The following PTPN22 variants were observed in gnomAD, a reference collection of about 807,000 sequenced individuals.
PTPN22 encodes the protein protein tyrosine phosphatase non-receptor type 22.
PTPN22 carries 85 observed loss-of-function variants against 103.3 expected under a neutral mutation model. The ratio of observed to expected loss-of-function variants is 0.82; its 90% CI spans 0.69 to 0.99. The LOEUF is 0.99. Among genes scored for constraint, PTPN22 ranks in the 50% least tolerant of loss-of-function variants. PTPN22 has a pLI of 0.00. For synonymous variants in PTPN22, 323 were observed against 310.2 expected (o/e 1.04, Z -0.43); for missense variants, 865 against 936.9 (o/e 0.92, Z 1.00).
chr1:113,862,507 T>C (rs898820802), intron 1 of PTPN22, among the ~76,000 whole-genome samples: 2 of 152,156 alleles, frequency 1.3e-5, no homozygotes, highest in Non-Finnish European at 2.9e-5. Context: ...TATTAGATTC[T>C]AGAAATTCGG....
At chr1:113,848,028 C>T (rs1485230259) in intron 11 of PTPN22, among the ~76,000 whole-genome samples, 1 of 152,082 alleles carries the variant, frequency 6.6e-6, no homozygotes, top group Non-Finnish European at 1.5e-5. Flanking sequence ...AACCACCTTG[C>T]CCAGCCAAGA....
At chr1:113,855,749 A>G (rs1277221368) in intron 7 of PTPN22, among the ~76,000 whole-genome samples, 1 of 152,194 alleles carries the variant, frequency 6.6e-6, no homozygotes, top group African/African-American at 2.4e-5. Context: ...CATCTGCCCC[A>G]TTCACAAGAG....
At position 113,825,151 on chromosome 1, in the gene PTPN22, T is replaced by C. The variant is rs369890270; in HGVS notation, c.2272A>G (p.Met758Val). 6.6e-6 allele frequency: 10 copies of C among 1,512,222 alleles called. No homozygotes were observed. The highest frequency in any genetic ancestry group is 8.1e-6 in the Non-Finnish European group (9 of 1,106,120). The allele number at this position is 1,512,222 out of a possible 1,614,324, so 93.7% of individuals were successfully genotyped here. ...ATAAGTACCAACTTACTCTTTTTCA[T>C]GTTTCGCAAAATTTTCAAACTCTAC... The change falls in exon 19 of 21, where the codon ATG (methionine) becomes GTG (valine). Residue 758 changes from methionine to valine, a missense_variant. This residue lies in a region of PTPN22 where 401 missense variants were observed against 388.6 expected (regional missense o/e 1.03). Coordinates refer to ENST00000359785, the Ensembl canonical transcript of PTPN22.
chr1:113,858,539 TG>T lies in PTPN22; in HGVS notation c.307del (p.Gln103ArgfsTer14). On this transcript the variant is annotated frameshift_variant, in exon 4 of 21. Transcript: ENST00000359785. LOFTEE classifies it high-confidence loss of function. ...CAGGAGGGTTGTAGATAAAGGACCCTGGGTGGCAATATAAGCCTTGGGTCCA... is the reference window on the plus strand; with the variant it reads ...CAGGAGGGTTGTAGATAAAGGACCCTGGTGGCAATATAAGCCTTGGGTCCA... The T allele has an allele frequency of 6.2e-7, 1 of 1,604,018 alleles. No individual in the cohort carries two copies. Among genetic ancestry groups the T allele is most frequent in the Non-Finnish European group, 8.5e-7 (1 of 1,173,812 alleles).
chr1:113,843,385 A>G (rs1257116801), intron 11 of PTPN22, among the ~76,000 whole-genome samples: 2 of 152,146 alleles, frequency 1.3e-5, no homozygotes, highest in East Asian at 1.9e-4. Context: ...ACGTTACAAC[A>G]TGGATGAACC....
chr1:113,826,901 C>T (rs1746857), intron 18 of PTPN22, among the ~76,000 whole-genome samples: 45,821 of 151,220 alleles, frequency 0.3, 8,121 homozygotes, highest in African/African-American at 0.48. Context: ...GATCTCCTGA[C>T]CTCGTGATCC....
At chr1:113,824,715 T>C (rs1661896043) in intron 19 of PTPN22, among the ~76,000 whole-genome samples, 1 of 151,996 alleles carries the variant, frequency 6.6e-6, no homozygotes, top group East Asian at 1.9e-4. Flanking sequence ...GTACCAAACA[T>C]TGGCCGGGTG....
At chr1:113,833,044 TA>T in intron 16 of PTPN22, 66 bp downstream of exon 16, 2 of 1,438,860 alleles carry the variant, frequency 1.4e-6, no homozygotes, top group Non-Finnish European at 9.7e-7. Context: ...TGAATTACTC[TA>T]AACTTAACGA....
At chr1:113,825,745 G>A (rs1000947611) in intron 18 of PTPN22, among the ~76,000 whole-genome samples, 8 of 151,976 alleles carry the variant, frequency 5.3e-5, no homozygotes, top group Middle Eastern at 3.4e-3. Context: ...ATGGAGTCTC[G>A]CTGTGTCGCC....
chr1:113,856,730 T>C, intron 5 of PTPN22, 111 bp from the exon 6 acceptor site: 2 of 1,410,546 alleles, frequency 1.4e-6, no homozygotes, highest in Non-Finnish European at 2.0e-6. Flanking sequence ...GTTAGGTGCG[T>C]CTAACCCCTT....
chr1:113,841,595 TC>T (rs1238914287), intron 11 of PTPN22, among the ~76,000 whole-genome samples: 27 of 120,642 alleles, frequency 2.2e-4, no homozygotes, highest in African/African-American at 1.4e-4. Flanking sequence ...TGTAAACAAC[TC>T]TTTTTTTTTT....
chr1:113,825,697 TAATA>T (rs541066675), intron 18 of PTPN22, among the ~76,000 whole-genome samples: 411 of 151,974 alleles, frequency 2.7e-3, no homozygotes, highest in African/African-American at 9.4e-3. Flanking sequence ...TAAAAAAGAT[TAATA>T]AATGTTGTTG....
intron 13 of PTPN22, among the ~76,000 whole-genome samples, chr1:113,835,563 T>C (rs1027767903): frequency 7.2e-5 from 11 of 152,160 alleles, no homozygotes. Context: ...AAAAACATTT[T>C]GATTGAGTCA....
intron 13 of PTPN22, among the ~76,000 whole-genome samples, 173 bp from the exon 14 acceptor site, chr1:113,835,166 C>A (rs886184274): frequency 1.4e-4 from 21 of 152,256 alleles, no homozygotes; most frequent in Admixed American, 1.0e-3. Context: ...AAAATAAATT[C>A]TCTTAAGGTA....
exon 3 of PTPN22, chr1:113,859,038 A>G (rs1665336882): frequency 6.2e-7 from 1 of 1,613,896 alleles, no homozygotes; most frequent in Non-Finnish European, 8.5e-7. Flanking sequence ...TGGAATCCTC[A>G]TCAGAGGTTA....
intron 1 of PTPN22, among the ~76,000 whole-genome samples, chr1:113,869,868 C>CT (rs1666432771): frequency 6.6e-6 from 1 of 152,162 alleles, no homozygotes; most frequent in Admixed American, 6.5e-5. Flanking sequence ...TCAGGTAACT[C>CT]TACCAGAGGG....
chr1:113,854,885 A>C (rs1664909859), intron 8 of PTPN22, 22 bp downstream of exon 8: 1 of 1,606,266 alleles, frequency 6.2e-7, no homozygotes, highest in Non-Finnish European at 8.5e-7. Context: ...TTTGGGTAGA[A>C]GGTTTATATA....
At chr1:113,838,672 G>A in intron 11 of PTPN22, 52 bp from the exon 12 acceptor site, 1 of 1,561,726 alleles carries the variant, frequency 6.4e-7, no homozygotes, top group Non-Finnish European at 8.7e-7. Context: ...ATGTCAATAA[G>A]ATATTTTAAT....
At chr1:113,854,621 C>G in intron 8 of PTPN22, 84 bp from the exon 9 acceptor site, 1 of 1,349,344 alleles carries the variant, frequency 7.4e-7, no homozygotes, top group Non-Finnish European at 1.1e-6. Flanking sequence ...ATTTCACCAG[C>G]AGATTTGAGG....
Sources: allele counts gnomAD v4.1 joint callset (sites outside exome capture counted in the v4.1 genomes callset), GRCh38; gene constraint gnomAD v4.1.1; regional missense constraint gnomAD v4.1.1; transcripts MANE v1.5; gene names NCBI Gene and HGNC (gene_info 2026-07-23, HGNC 2026-07-21).